MECR: variants seen among roughly 807,000 people sequenced by gnomAD.
The protein encoded by MECR is mitochondrial trans-2-enoyl-CoA reductase.
In MECR, 37 loss-of-function variants were observed where a neutral mutation model predicts 49.1. That is an observed-to-expected ratio of 0.75 (90% confidence interval 0.58 to 0.99). The LOEUF is 0.99. Ranked by LOEUF, MECR falls within the 50% of genes least tolerant of loss-of-function variation. The probability of loss-of-function intolerance (pLI) is 0.00; values close to 1 mark genes in which losing one functional copy is unlikely to be tolerated. For synonymous variants in MECR, 198 were observed against 191.1 expected (o/e 1.04, Z -0.30); for missense variants, 470 against 479.6 (o/e 0.98, Z 0.19).
chr1:29,200,495 C>T (rs1402074627), intron 7 of MECR, 21 bp downstream of exon 7: 3 of 1,608,810 alleles, frequency 1.9e-6, no homozygotes, highest in African/African-American at 2.7e-5. Context: ...CGAGCTGGAC[C>T]TGCAGGCCCA....
chr1:29,199,070 G>A (rs1427135509), intron 7 of MECR, among the ~76,000 whole-genome samples: 1 of 152,200 alleles, frequency 6.6e-6, no homozygotes, highest in African/African-American at 2.4e-5. Context: ...TGCTCATCAA[G>A]CCTGTGAATT....
At position 29,216,050 on chromosome 1, in the gene MECR, C is replaced by G. The variant is rs745548640; in HGVS notation, c.361G>C (p.Gly121Arg). 1 of 1,614,046 alleles carries G rather than the reference C, an allele frequency of 6.2e-7. No homozygotes were observed. The highest frequency in any genetic ancestry group is 1.3e-5 in the African/African-American group (1 of 75,026). The stretch of plus-strand genomic sequence containing the variant: ...ATCACCCAGTCTCCTGGCTTCAGCC[C>G]GGTCACATTGCTGCCCACCGCTACC... ...QVVAVGSNVTGLKPGDWVIPA... is the reference protein window; with the variant it reads ...QVVAVGSNVTRLKPGDWVIPA... The change falls in exon 3 of 10, where the codon GGG (glycine) becomes CGG (arginine). Residue 121 changes from glycine (G) to arginine (R), a missense_variant. Gly to Arg is a moderately radical substitution (Grantham distance 125, BLOSUM62 -2). Coordinates refer to ENST00000263702, the MANE Select transcript of MECR (RefSeq NM_016011.5).
At chr1:29,177,281 T>A in the MECR span, among the ~76,000 whole-genome samples, 2 of 137,676 alleles carry the variant, frequency 1.5e-5, no homozygotes, top group South Asian at 2.2e-4. Context: ...GTAACTCTTT[T>A]TGTTTTTTTT....
At chr1:29,203,050 G>T in intron 5 of MECR, 81 bp downstream of exon 5, 1 of 1,197,606 alleles carries the variant, frequency 8.3e-7, no homozygotes, top group East Asian at 2.7e-5. Flanking sequence ...GCGCCCTCTG[G>T]TGGACAACTG....
the MECR span, among the ~76,000 whole-genome samples, chr1:29,175,694 CAAAAAAAAA>C: frequency 7.8e-5 from 3 of 38,588 alleles, no homozygotes; most frequent in African/African-American, 2.6e-4. Flanking sequence ...GACGCTGTCT[CAAAAAAAAA>C]AAAAAAAAAA....
chr1:29,182,347 A>G, the MECR span, among the ~76,000 whole-genome samples: 37 of 152,246 alleles, frequency 2.4e-4, no homozygotes, highest in African/African-American at 8.7e-4. Context: ...CCTACCTTCC[A>G]GAGTTGTCTT....
At chr1:29,173,911 G>A in the MECR span, among the ~76,000 whole-genome samples, 2 of 151,518 alleles carry the variant, frequency 1.3e-5, no homozygotes, top group Non-Finnish European at 1.5e-5. Context: ...AACTCTTGGT[G>A]GGTGCGGTGG....
At chr1:29,182,931 T>C in the MECR span, among the ~76,000 whole-genome samples, 1 of 152,242 alleles carries the variant, frequency 6.6e-6, no homozygotes, top group Non-Finnish European at 1.5e-5. Context: ...GTAGTGTATG[T>C]GAAAGTACTT....
rs35998084 is a variant in MECR, at chr1:29,192,946, AT to A, written c.*1075del. ...ATGAACATTGAACATTTGGGGCTAGATTTTTTTTTTTTTTTTGATATAGGGT... is the reference window on the plus strand; with the variant it reads ...ATGAACATTGAACATTTGGGGCTAGATTTTTTTTTTTTTTTGATATAGGGT... On this transcript the variant is annotated 3_prime_UTR_variant, in exon 10 of 10. Coordinates refer to ENST00000263702, the MANE Select transcript of MECR (RefSeq NM_016011.5). 363 of 143,980 alleles carry A rather than the reference AT, an allele frequency of 2.5e-3. No homozygotes were observed. The highest frequency in any genetic ancestry group is 2.5e-3 in the Non-Finnish European group (164 of 65,810). 8.9% of individuals were successfully genotyped at this position (143,980 alleles called of 1,614,324 possible). A position where few individuals can be genotyped will look rare whatever the true frequency, so the allele number is the denominator to read the frequency against.
chr1:29,201,066 G>T lies in MECR; in HGVS notation c.757-477C>A, dbSNP rs1340186657. ...CTGCCTTGGCCTCCCGAAGTGCTGGGATTACAGGCATGAGTCACCTCATCC... is the reference window on the plus strand; with the variant it reads ...CTGCCTTGGCCTCCCGAAGTGCTGGTATTACAGGCATGAGTCACCTCATCC... On this transcript the variant is annotated intron_variant, in intron 6 of 9. Transcript: ENST00000263702. The surrounding 1 kb of genome is among the most constrained non-coding windows in gnomAD (Gnocchi z 4.3). Among the ~76,000 whole-genome samples the T allele has an allele frequency of 6.6e-6, 1 of 152,208 alleles. No homozygotes were observed. Among genetic ancestry groups the T allele is most frequent in the Non-Finnish European group, 1.5e-5 (1 of 68,046 alleles).
At chr1:29,230,428 A>G (rs1244635768) in intron 1 of MECR, 1 of 362,652 alleles carries the variant, frequency 2.8e-6, no homozygotes, top group Non-Finnish European at 5.0e-6. Context: ...GGATAAATCA[A>G]TAACTACCCC....
chr1:29,182,397 T>A, the MECR span, among the ~76,000 whole-genome samples: 1 of 152,132 alleles, frequency 6.6e-6, no homozygotes, highest in Non-Finnish European at 1.5e-5. Flanking sequence ...CACTTAGTAG[T>A]TTTGTCATAT....
Position 29,193,431 on chromosome 1 carries a change from T to C in MECR, c.*591A>G, listed in dbSNP as rs115756546. Reference sequence around the variant, plus strand: ...CTCTGGTTGAGAACCACTGGTATATTGTCTATGTCTCCAGTTAGAAGGGCA... The same window carrying C: ...CTCTGGTTGAGAACCACTGGTATATCGTCTATGTCTCCAGTTAGAAGGGCA... On this transcript the variant is annotated 3_prime_UTR_variant, in exon 10 of 10. Coordinates refer to ENST00000263702, the MANE Select transcript of MECR (RefSeq NM_016011.5). 2,061 of 179,656 alleles carry C rather than the reference T, an allele frequency of 0.011. 54 individuals carry two copies. Among genetic ancestry groups the C allele is most frequent in the African/African-American group, 0.045 (1,864 of 41,666 alleles). 11.1% of individuals were successfully genotyped at this position (179,656 alleles called of 1,614,324 possible). A position where few individuals can be genotyped will look rare whatever the true frequency, so the allele number is the denominator to read the frequency against.
downstream of MECR, among the ~76,000 whole-genome samples, chr1:29,192,345 G>A (rs191620923): frequency 2.5e-4 from 38 of 152,218 alleles, no homozygotes; most frequent in African/African-American, 5.5e-4. Context: ...TGCTTGGTAC[G>A]CAGTTTCCTG....
At chr1:29,229,680 T>C (rs573337708) in intron 1 of MECR, among the ~76,000 whole-genome samples, 2 of 152,316 alleles carry the variant, frequency 1.3e-5, no homozygotes, top group South Asian at 2.1e-4. Flanking sequence ...GAACTTTGTC[T>C]GTACTGTCTC....
At chr1:29,178,919 G>T in the MECR span, among the ~76,000 whole-genome samples, 320 of 152,244 alleles carry the variant, frequency 2.1e-3, 2 homozygotes, top group African/African-American at 7.1e-3. Context: ...GTCATATTGT[G>T]TGCTGTTTGG....
the MECR span, among the ~76,000 whole-genome samples, chr1:29,186,634 A>C: frequency 6.6e-6 from 1 of 152,306 alleles, no homozygotes. Context: ...TGGCCTCCTG[A>C]TTCTGCCTTT....
At chr1:29,207,268 C>T (rs781512538) in intron 3 of MECR, among the ~76,000 whole-genome samples, 7 of 152,034 alleles carry the variant, frequency 4.6e-5, no homozygotes, top group African/African-American at 7.2e-5. Context: ...TACAGGCATG[C>T]ACTACCATAC....
At chr1:29,218,868 T>C (rs1389783372) in intron 1 of MECR, among the ~76,000 whole-genome samples, 1 of 152,212 alleles carries the variant, frequency 6.6e-6, no homozygotes, top group Non-Finnish European at 1.5e-5. Flanking sequence ...CACTGCTAAG[T>C]GCTTTACCTG....
Sources: gnomAD v4.1 joint callset for allele counts (sites outside exome capture counted in the v4.1 genomes callset) on GRCh38, gnomAD v4.1.1 for gene constraint, Gnocchi (gnomAD v3.1) non-coding constraint, MANE v1.5 for transcripts, NCBI Gene and HGNC (gene_info 2026-07-23, HGNC 2026-07-21) for gene names.